RFX7: variants seen among roughly 807,000 people sequenced by gnomAD.
RFX7 encodes the protein regulatory factor X7.
In RFX7, 26 loss-of-function variants were observed where a neutral mutation model predicts 111.8. The observed-to-expected ratio is 0.23, with a 90% confidence interval of 0.17 to 0.32. The LOEUF is 0.32. RFX7 is among the 10% of genes least tolerant of loss of function. The pLI, the probability that RFX7 is intolerant of heterozygous loss-of-function variation, is 1.00. For synonymous variants in RFX7, 624 were observed against 624.4 expected (o/e 1.00, Z 0.01); for missense variants, 1,573 against 1,772.9 (o/e 0.89, Z 2.02).
chr15:56,168,565 T>C (rs1194284405), intron 3 of RFX7, among the ~76,000 whole-genome samples: 4 of 152,212 alleles, frequency 2.6e-5, no homozygotes, highest in Admixed American at 1.3e-4. Context: ...CCCTTAACAC[T>C]GGACAGCATG....
At chr15:56,157,841 A>G (rs1478484406) in intron 3 of RFX7, among the ~76,000 whole-genome samples, 8 of 152,158 alleles carry the variant, frequency 5.3e-5, no homozygotes, top group African/African-American at 1.9e-4. Flanking sequence ...GGCCTCCCAA[A>G]TTTCTGGGAT....
At chr15:56,180,750 CAAAAAAAAA>C (rs869160446) in intron 2 of RFX7, among the ~76,000 whole-genome samples, 1 of 65,594 alleles carries the variant, frequency 1.5e-5, no homozygotes, top group Admixed American at 1.6e-4. Context: ...TACTAAAATA[CAAAAAAAAA>C]AAAAAAAAAA....
intron 8 of RFX7, among the ~76,000 whole-genome samples, chr15:56,100,965 C>G (rs2041744137): frequency 6.6e-6 from 1 of 152,040 alleles, no homozygotes; most frequent in Non-Finnish European, 1.5e-5. Flanking sequence ...GAATGGGAAT[C>G]TAACAAGTAA....
At chr15:56,219,306 C>T (rs2043399704) in intron 2 of RFX7, among the ~76,000 whole-genome samples, 1 of 152,174 alleles carries the variant, frequency 6.6e-6, no homozygotes, top group African/African-American at 2.4e-5. Flanking sequence ...GCCACTCCAG[C>T]TTTCTAATGG....
Position 56,089,233 on chromosome 15 carries a change from C to G in RFX7, c.*4112G>C, listed in dbSNP as rs1391883183. 1 of 152,092 alleles carries G rather than the reference C, an allele frequency of 6.6e-6. No individual in the cohort carries two copies. Among genetic ancestry groups the G allele is most frequent in the Non-Finnish European group, 1.5e-5 (1 of 67,928 alleles). The allele number at this position is 152,092 out of a possible 1,614,324, so 9.4% of individuals were successfully genotyped here. ...ATGGAAGATTCTGAGATTTTTTTTTCTCTCTGATAAAAGGCTAAGAACTGC... is the reference window on the plus strand; with the variant it reads ...ATGGAAGATTCTGAGATTTTTTTTTGTCTCTGATAAAAGGCTAAGAACTGC... On this transcript the variant is annotated 3_prime_UTR_variant, in exon 10 of 10. Coordinates refer to ENST00000559447, the MANE Select transcript of RFX7 (RefSeq NM_022841.7).
chr15:56,128,945 C>T (rs1000256551), intron 5 of RFX7, among the ~76,000 whole-genome samples: 7 of 151,878 alleles, frequency 4.6e-5, no homozygotes, highest in Non-Finnish European at 7.4e-5. Context: ...AATAATTCCA[C>T]TTCAATCAAA....
In RFX7 at chr15:56,141,656, A is replaced by AAAATATATATATATAT. The variant is rs2042396580; in HGVS notation, c.401+1121_401+1122insATATATATATATATTT. Among the ~76,000 whole-genome samples the AAAATATATATATATAT allele has an allele frequency of 2.4e-5, 2 of 83,210 alleles. 1 individual carries two copies. The highest frequency in any genetic ancestry group is 1.3e-4 in the African/African-American group (2 of 15,252). 54.6% of individuals were successfully genotyped at this position (83,210 alleles called of 152,430 possible). ...TAATGAAGAATCTATGCTTACTCTA[A>AAAATATATATATATAT]ATATATATATATATATATATGCATA... On this transcript the variant is annotated intron_variant, in intron 5 of 9. Transcript: ENST00000559447.
chr15:56,119,823 T>C (rs1406387325), intron 5 of RFX7, among the ~76,000 whole-genome samples: 1 of 150,930 alleles, frequency 6.6e-6, no homozygotes, highest in African/African-American at 2.4e-5. Context: ...TCACTGTAGA[T>C]GTATGAATTT....
In RFX7 at chr15:56,091,860, C is replaced by T. The variant is rs2041600779; in HGVS notation, c.*1485G>A. On this transcript the variant is annotated 3_prime_UTR_variant, in exon 10 of 10. Transcript: ENST00000559447. ...AACAAAACCTTATTAAACCCTTCAG[C>T]ACATTTGCTAAATATTCATTGATTG... is the stretch of plus-strand genomic sequence containing the variant. 6.6e-6 allele frequency: 1 copy of T among 152,532 alleles called. No homozygotes were observed. The highest frequency in any genetic ancestry group is 1.5e-5 in the Non-Finnish European group (1 of 67,968). 9.4% of individuals were successfully genotyped at this position (152,532 alleles called of 1,614,324 possible).
At chr15:56,170,481 C>G (rs1225897752) in intron 3 of RFX7, among the ~76,000 whole-genome samples, 1 of 152,104 alleles carries the variant, frequency 6.6e-6, no homozygotes, top group Non-Finnish European at 1.5e-5. Flanking sequence ...CATCCTTGGC[C>G]TCTTCCCATC....
At chr15:56,113,999 C>T (rs1205032228) in intron 5 of RFX7, among the ~76,000 whole-genome samples, 3 of 152,090 alleles carry the variant, frequency 2.0e-5, no homozygotes, top group Non-Finnish European at 4.4e-5. Context: ...TAGCTTGAGC[C>T]TTAGAAAGTG....
chr15:56,110,256 G>A (rs1235923453), intron 5 of RFX7, among the ~76,000 whole-genome samples: 6 of 97,756 alleles, frequency 6.1e-5, no homozygotes, highest in African/African-American at 2.2e-4. Context: ...CGCCCCGTCC[G>A]GGAGGGAGGT....
intron 3 of RFX7, among the ~76,000 whole-genome samples, chr15:56,154,953 A>T (rs1481011632): frequency 6.6e-6 from 1 of 152,234 alleles, no homozygotes; most frequent in African/African-American, 2.4e-5. Context: ...AACCCCATCA[A>T]AAAATGGGCA....
chr15:56,135,746 T>G (rs1164940764), intron 5 of RFX7, among the ~76,000 whole-genome samples: 9 of 152,000 alleles, frequency 5.9e-5, no homozygotes, highest in East Asian at 1.9e-4. Flanking sequence ...TTTATGGTTT[T>G]AGGTCTAACA....
chr15:56,218,352 G>C (rs1371710030), intron 2 of RFX7, among the ~76,000 whole-genome samples: 1 of 151,866 alleles, frequency 6.6e-6, no homozygotes, highest in Non-Finnish European at 1.5e-5. Flanking sequence ...GACTGGTCTT[G>C]AACTCCTGAC....
chr15:56,206,911 C>CA (rs200811730), intron 2 of RFX7, among the ~76,000 whole-genome samples: 2,856 of 144,480 alleles, frequency 0.02, 91 homozygotes, highest in African/African-American at 0.066. Context: ...TTAATAGTTA[C>CA]AAAAAAAAAA....
rs1410174313 is a variant in RFX7 at position 56,179,760 on chromosome 15, CAACACACACACACACA to C, written c.162-473_162-458del. Among the ~76,000 whole-genome samples, 4 of 100,004 alleles carry C rather than the reference CAACACACACACACACA, an allele frequency of 4.0e-5. No individual in the cohort carries two copies. In the South Asian group the frequency reaches 1.4e-3, roughly 35 times the overall value. 65.6% of individuals were successfully genotyped at this position (100,004 alleles called of 152,430 possible). ...ATTCTGTTCCCTCCTCTCTCTGTCT[CAACACACACACACACA>C]CACACACACACACACACACACACAC... On this transcript the variant is annotated intron_variant, in intron 2 of 9. Transcript: ENST00000559447.
chr15:56,142,988 G>A, intron 4 of RFX7, 88 bp from the exon 5 acceptor site: 3 of 1,421,468 alleles, frequency 2.1e-6, no homozygotes, highest in Non-Finnish European at 9.7e-7. Context: ...CTAAAGAACT[G>A]TATACAAATA....
intron 9 of RFX7, among the ~76,000 whole-genome samples, chr15:56,097,110 G>A (rs1351890539): frequency 2.0e-5 from 3 of 152,172 alleles, no homozygotes; most frequent in Admixed American, 6.5e-5. Flanking sequence ...TGAATAGTGC[G>A]GTTACCATGT....
Sources: allele counts gnomAD v4.1 joint callset (sites outside exome capture counted in the v4.1 genomes callset), GRCh38; gene constraint gnomAD v4.1.1; transcripts MANE v1.5; gene names NCBI Gene and HGNC (gene_info 2026-07-23, HGNC 2026-07-21).